The following PRELID2 variants were observed in gnomAD, a reference collection of about 807,000 sequenced individuals.
PRELID2 encodes the protein PRELI domain containing 2, also known as PRELI domain-containing protein 2.
In PRELID2, 25 loss-of-function variants were observed where a neutral mutation model predicts 28.4. The ratio of observed to expected loss-of-function variants is 0.88; its 90% CI spans 0.64 to 1.23. The LOEUF is 1.23. Ranked by LOEUF, PRELID2 falls within the 50% of genes most tolerant of loss-of-function variation. PRELID2 has a pLI of 0.00. For synonymous variants in PRELID2, 76 were observed against 71.6 expected (o/e 1.06, Z -0.31); for missense variants, 201 against 214.4 (o/e 0.94, Z 0.39).
At chr5:145,804,511 A>G (rs1000215517) in intron 4 of PRELID2, among the ~76,000 whole-genome samples, 2 of 152,184 alleles carry the variant, frequency 1.3e-5, no homozygotes, top group African/African-American at 2.4e-5. Context: ...CTCTGCCTCA[A>G]AAAAGAAAAG....
At chr5:145,660,987 C>T (rs934696039) in intron 1 of PRELID2, among the ~76,000 whole-genome samples, 2 of 152,126 alleles carry the variant, frequency 1.3e-5, no homozygotes, top group Admixed American at 6.6e-5. Context: ...TGAACCAAAA[C>T]TTTGTTTTAA....
At chr5:145,317,880 A>T in the PRELID2 span, among the ~76,000 whole-genome samples, 8 of 152,126 alleles carry the variant, frequency 5.3e-5, no homozygotes, top group Non-Finnish European at 1.2e-4. Context: ...TACTATTTAG[A>T]TCCTAATACA....
chr5:145,598,087 G>C (rs1484341183), intron 1 of PRELID2, among the ~76,000 whole-genome samples: 1 of 152,096 alleles, frequency 6.6e-6, no homozygotes, highest in Non-Finnish European at 1.5e-5. Context: ...TATTTAGATA[G>C]GTAGGCTTTC....
the PRELID2 span, among the ~76,000 whole-genome samples, chr5:145,366,795 G>A: frequency 6.6e-6 from 1 of 151,808 alleles, no homozygotes; most frequent in Admixed American, 6.6e-5. Context: ...GACACAGGAT[G>A]AGAGATATCC....
chr5:145,411,852 C>T, the PRELID2 span, among the ~76,000 whole-genome samples: 1 of 152,200 alleles, frequency 6.6e-6, no homozygotes, highest in African/African-American at 2.4e-5. Flanking sequence ...TCCCAAACCT[C>T]AGTTCTTGTC....
At chr5:145,389,057 T>G in the PRELID2 span, among the ~76,000 whole-genome samples, 3 of 152,180 alleles carry the variant, frequency 2.0e-5, no homozygotes, top group African/African-American at 7.2e-5. Context: ...GCTTGATAAA[T>G]ATTTACCAAA....
At chr5:145,713,940 G>T (rs1026845320) in intron 1 of PRELID2, among the ~76,000 whole-genome samples, 2 of 151,296 alleles carry the variant, frequency 1.3e-5, no homozygotes, top group African/African-American at 4.9e-5. Flanking sequence ...CAGTGAAATT[G>T]TTCTTCAAAT....
At chr5:145,388,679 T>A in the PRELID2 span, among the ~76,000 whole-genome samples, 1 of 152,168 alleles carries the variant, frequency 6.6e-6, no homozygotes, top group Non-Finnish European at 1.5e-5. Context: ...CTTGGCTCAT[T>A]TCCATCTCAG....
Position 145,571,332 on chromosome 5 carries a change from G to C in PRELID2, n.71-98017C>G, listed in dbSNP as rs944453828. Among the ~76,000 whole-genome samples the C allele has an allele frequency of 2.6e-5, 4 of 152,284 alleles. 1 individual carries two copies. In the South Asian group the frequency reaches 8.3e-4, roughly 32 times the overall value. ...AAATGAGTTCAGGCTAGGACAGGAA[G>C]TGGGGGGCCAAACATGCCTCATTAT... On this transcript the variant is annotated intron_variant and non_coding_transcript_variant, in intron 1 of 2. Transcript: ENST00000510259.
the PRELID2 span, among the ~76,000 whole-genome samples, chr5:145,264,739 C>T: frequency 2.0e-5 from 3 of 151,846 alleles, no homozygotes; most frequent in East Asian, 1.9e-4. Context: ...TTTGGGAGGC[C>T]GAGGTGGGTG....
chr5:145,732,110 T>G (rs1354469952), intron 1 of PRELID2, among the ~76,000 whole-genome samples: 1 of 152,188 alleles, frequency 6.6e-6, no homozygotes, highest in Non-Finnish European at 1.5e-5. Flanking sequence ...ATTTAAATTT[T>G]GGGGATTATA....
intron 1 of PRELID2, among the ~76,000 whole-genome samples, chr5:145,537,872 TTGTC>T (rs1752712964): frequency 6.6e-6 from 1 of 151,856 alleles, no homozygotes; most frequent in African/African-American, 2.4e-5. Flanking sequence ...TTTTTCTTAG[TTGTC>T]TATGTTTTTG....
chr5:145,724,616 TATATATATATA>T (rs1561559001), intron 1 of PRELID2, among the ~76,000 whole-genome samples: 1 of 65,726 alleles, frequency 1.5e-5, no homozygotes, highest in Non-Finnish European at 3.0e-5. Flanking sequence ...TATATATATA[TATATATATATA>T]TATATATATA....
At chr5:145,416,141 T>C in the PRELID2 span, among the ~76,000 whole-genome samples, 1 of 152,152 alleles carries the variant, frequency 6.6e-6, no homozygotes, top group East Asian at 1.9e-4. Flanking sequence ...TGTTTTTTTC[T>C]TGTAAATTTG....
At chr5:145,603,077 A>AT (rs911206864) in intron 1 of PRELID2, among the ~76,000 whole-genome samples, 44 of 151,280 alleles carry the variant, frequency 2.9e-4, no homozygotes, top group Non-Finnish European at 4.3e-4. Flanking sequence ...ATAACTCGAT[A>AT]TTTTTTTTTC....
At chr5:145,433,140 C>T in the PRELID2 span, among the ~76,000 whole-genome samples, 1 of 152,098 alleles carries the variant, frequency 6.6e-6, no homozygotes. Flanking sequence ...CCTGTATTTC[C>T]ACACTGATAA....
chr5:145,368,295 A>G, the PRELID2 span, among the ~76,000 whole-genome samples: 47 of 152,006 alleles, frequency 3.1e-4, no homozygotes, highest in East Asian at 7.9e-3. Flanking sequence ...TAAAGCCACC[A>G]ATTTTTCTGG....
rs532509963 is a variant in PRELID2, at chr5:145,512,770, G to A, written n.71-39455C>T. On this transcript the variant is annotated intron_variant and non_coding_transcript_variant, in intron 1 of 2. Coordinates refer to the PRELID2 transcript ENST00000510259. ...CATCTGGTGGGTGCCCCTCTGGGAC[G>A]AAGCTTCCAAAGGAAGGAACAGGAA... Among the ~76,000 whole-genome samples, 8 of 152,280 alleles carry A rather than the reference G, an allele frequency of 5.3e-5. No individual in the cohort carries two copies. In the East Asian group the frequency reaches 7.7e-4, roughly 15 times the overall value.
chr5:145,413,180 G>A, the PRELID2 span, among the ~76,000 whole-genome samples: 1 of 151,834 alleles, frequency 6.6e-6, no homozygotes, highest in Admixed American at 6.6e-5. Context: ...CTGGGCAAAG[G>A]ACATAAATAG....
Sources: allele counts gnomAD v4.1 joint callset (sites outside exome capture counted in the v4.1 genomes callset), GRCh38; gene constraint gnomAD v4.1.1; transcripts MANE v1.5; gene names NCBI Gene and HGNC (gene_info 2026-07-23, HGNC 2026-07-21).